The following DTNB variants were observed in gnomAD, a reference collection of about 807,000 sequenced individuals.
DTNB encodes dystrobrevin beta, also known as DTN-B.
In DTNB, 63 loss-of-function variants were observed where a neutral mutation model predicts 90.7. That is an observed-to-expected ratio of 0.69 (90% confidence interval 0.57 to 0.86). The LOEUF is 0.86. Among genes scored for constraint, DTNB ranks in the 40% least tolerant of loss-of-function variants. DTNB has a pLI of 0.00. For missense variants in DTNB, 744 were observed against 807.1 expected (o/e 0.92, Z 0.95); for synonymous variants, 277 against 286.7 (o/e 0.97, Z 0.34).
intron 12 of DTNB, 73 bp from the exon 13 acceptor site, chr2:25,434,068 T>C (rs923023602): frequency 6.4e-6 from 9 of 1,397,694 alleles, no homozygotes; most frequent in Non-Finnish European, 7.9e-6. Context: ...GATTGACTGA[T>C]TTTTAAAAAA....
At chr2:25,631,351 GC>G (rs1031238822) in intron 3 of DTNB, among the ~76,000 whole-genome samples, 2 of 152,016 alleles carry the variant, frequency 1.3e-5, no homozygotes, top group African/African-American at 4.8e-5. Flanking sequence ...TCCTGGCTTA[GC>G]TTGAAGCCAG....
intron 8 of DTNB, among the ~76,000 whole-genome samples, chr2:25,533,856 C>A (rs979557874): frequency 1.3e-5 from 2 of 152,196 alleles, no homozygotes; most frequent in Non-Finnish European, 2.9e-5. Context: ...AAGTGCCTTT[C>A]CAGGCTACCC....
At chr2:25,455,889 C>T (rs530328613) in intron 10 of DTNB, among the ~76,000 whole-genome samples, 1 of 152,364 alleles carries the variant, frequency 6.6e-6, no homozygotes, top group Admixed American at 6.5e-5. Flanking sequence ...TACATGACCC[C>T]CTAGCGCTAT....
chr2:25,563,757 A>T (rs1359010083), intron 8 of DTNB, among the ~76,000 whole-genome samples: 1 of 152,216 alleles, frequency 6.6e-6, no homozygotes, highest in Non-Finnish European at 1.5e-5. Context: ...AAAATCGACA[A>T]CAACAAATAC....
Position 25,607,110 on chromosome 2 carries a change from C to T in DTNB, c.448+126G>A. ...TAACTCACCTACTGTGAGCCAGCTG[C>T]TGCAGCGTGAGTGACATGGTAATTT... is the stretch of plus-strand genomic sequence containing the variant. On this transcript the variant is annotated intron_variant, in intron 5 of 20. Coordinates refer to ENST00000406818, the MANE Select transcript of DTNB (RefSeq NM_021907.5). 7.1e-6 allele frequency: 7 copies of T among 990,706 alleles called. No homozygotes were observed. In the South Asian group the frequency reaches 8.9e-5, roughly 13 times the overall value. 61.4% of individuals were successfully genotyped at this position (990,706 alleles called of 1,614,324 possible). A position where few individuals can be genotyped will look rare whatever the true frequency, so the allele number is the denominator to read the frequency against.
Position 25,434,101 on chromosome 2 carries a change from T to C in DTNB, c.1258-106A>G, listed in dbSNP as rs1203401344. ...AAAGATTTTTGACATATAATTTACA[T>C]ATCATAAATCCACCCGTTTTAAGTA... is the stretch of plus-strand genomic sequence containing the variant. On this transcript the variant is annotated intron_variant, in intron 12 of 20. Coordinates refer to ENST00000406818, the MANE Select transcript of DTNB (RefSeq NM_021907.5). The C allele has an allele frequency of 2.9e-6, 3 of 1,038,162 alleles. No individual in the cohort carries two copies. The African/African-American group carries it at 4.9e-5, about 17-fold the overall frequency. 64.3% of individuals were successfully genotyped at this position (1,038,162 alleles called of 1,614,324 possible).
chr2:25,420,467 A>AATCTATCTATCTATCT (rs70947889), intron 15 of DTNB, among the ~76,000 whole-genome samples: 31 of 145,626 alleles, frequency 2.1e-4, no homozygotes, highest in East Asian at 1.3e-3. Context: ...CATCTAAATC[A>AATCTATCTATCTATCT]ATCTATCTAT....
chr2:25,396,731 T>TAAAAAAAAAA (rs35592591), intron 16 of DTNB, among the ~76,000 whole-genome samples: 3 of 87,628 alleles, frequency 3.4e-5, no homozygotes, highest in Middle Eastern at 5.2e-3. Context: ...TAAAAGGAAC[T>TAAAAAAAAAA]AAAAAAAAAA....
At chr2:25,579,359 A>C (rs1447564144) in intron 7 of DTNB, among the ~76,000 whole-genome samples, 1 of 152,248 alleles carries the variant, frequency 6.6e-6, no homozygotes, top group African/African-American at 2.4e-5. Context: ...AAGGCTGAGA[A>C]AATTTTATTC....
chr2:25,485,339 T>C (rs956858466), intron 9 of DTNB, among the ~76,000 whole-genome samples: 1 of 152,146 alleles, frequency 6.6e-6, no homozygotes, highest in Non-Finnish European at 1.5e-5. Flanking sequence ...AAGATATCAC[T>C]GCATTCAATT....
chr2:25,388,151 G>A (rs2040042067), intron 17 of DTNB, 51 bp downstream of exon 17: 7 of 1,541,308 alleles, frequency 4.5e-6, no homozygotes, highest in South Asian at 2.4e-5. Flanking sequence ...AATCTTGTCC[G>A]TGTTTGCACA....
intron 5 of DTNB, among the ~76,000 whole-genome samples, chr2:25,596,656 T>A (rs2064721369): frequency 6.6e-6 from 1 of 152,202 alleles, no homozygotes; most frequent in South Asian, 2.1e-4. Flanking sequence ...ATTAGCATCT[T>A]GGTGATAGGG....
At chr2:25,394,059 T>C (rs2041819755) in intron 16 of DTNB, among the ~76,000 whole-genome samples, 1 of 152,086 alleles carries the variant, frequency 6.6e-6, no homozygotes, top group African/African-American at 2.4e-5. Context: ...CATACACCAA[T>C]GGAACACAAT....
intron 1 of DTNB, among the ~76,000 whole-genome samples, chr2:25,657,894 A>T (rs2082371749): frequency 6.6e-6 from 1 of 152,200 alleles, no homozygotes; most frequent in African/African-American, 2.4e-5. Context: ...GGAAATTACA[A>T]ATTAAAACAA....
chr2:25,623,432 AAGGC>A (rs1463092114), intron 4 of DTNB, among the ~76,000 whole-genome samples: 3 of 152,332 alleles, frequency 2.0e-5, no homozygotes, highest in African/African-American at 7.2e-5. Flanking sequence ...TGGACTTGCC[AAGGC>A]AGAAGGGGTC....
chr2:25,570,868 C>T (rs1256138510), intron 8 of DTNB, among the ~76,000 whole-genome samples: 4 of 152,172 alleles, frequency 2.6e-5, no homozygotes, highest in Non-Finnish European at 2.9e-5. Context: ...TTTAAATATA[C>T]GCCATTGACT....
At chr2:25,392,294 C>T (rs1277171505) in intron 16 of DTNB, among the ~76,000 whole-genome samples, 1 of 152,018 alleles carries the variant, frequency 6.6e-6, no homozygotes, top group African/African-American at 2.4e-5. Context: ...CCTGTAATCC[C>T]AGCTACTCGG....
chr2:25,617,939 G>T (rs2071262842), intron 4 of DTNB, among the ~76,000 whole-genome samples: 1 of 152,028 alleles, frequency 6.6e-6, no homozygotes, highest in Non-Finnish European at 1.5e-5. Flanking sequence ...GTATAACTTG[G>T]CATAAAGAAA....
intron 16 of DTNB, among the ~76,000 whole-genome samples, chr2:25,416,837 G>GAAGGAAGGA (rs1455917433): frequency 2.6e-5 from 4 of 151,450 alleles, no homozygotes; most frequent in African/African-American, 4.9e-5. Flanking sequence ...AGGAAGGAAG[G>GAAGGAAGGA]AAGGAAGGAA....
Sources: gnomAD v4.1 joint callset for allele counts (sites outside exome capture counted in the v4.1 genomes callset) on GRCh38, gnomAD v4.1.1 for gene constraint, MANE v1.5 for transcripts, NCBI Gene and HGNC (gene_info 2026-07-23, HGNC 2026-07-21) for gene names.